SLIT2: variants seen among roughly 807,000 people sequenced by gnomAD.
SLIT2 encodes slit homolog 2 protein.
Under a neutral mutation model 185.7 loss-of-function variants are expected in SLIT2, and 41 were observed. That is an observed-to-expected ratio of 0.22 (90% confidence interval 0.17 to 0.29). The LOEUF (loss-of-function observed/expected upper bound fraction) is 0.29, where lower values mean the gene tolerates loss of function less well. Among genes scored for constraint, SLIT2 ranks in the 10% least tolerant of loss-of-function variants. The pLI is 1.00. For missense variants in SLIT2, 1,571 were observed against 1,909.0 expected, an observed-to-expected ratio of 0.82 and a Z score of 3.30; for synonymous variants, 693 against 680.2, an observed-to-expected ratio of 1.02 and a Z score of -0.29.
chr4:20,381,583 T>C, intron 4 of SLIT2, among the ~76,000 whole-genome samples: 1 of 152,182 alleles, frequency 6.6e-6, no homozygotes, highest in Admixed American at 6.6e-5. Flanking sequence ...ACCTTTCTCT[T>C]GTTAGAAATC....
At chr4:20,327,338 A>G (rs980088455) in intron 4 of SLIT2, among the ~76,000 whole-genome samples, 1 of 152,072 alleles carries the variant, frequency 6.6e-6, no homozygotes, top group African/African-American at 2.4e-5. Flanking sequence ...GTTCAGTTAT[A>G]AAATCAAACC....
At chr4:20,549,253 A>G (rs1008507908) in intron 24 of SLIT2, 125 bp downstream of exon 24, 1 of 575,524 alleles carries the variant, frequency 1.7e-6, no homozygotes, top group Non-Finnish European at 3.1e-6. Flanking sequence ...AGGATTTATT[A>G]TAAATTAGGA....
intron 6 of SLIT2, 96 bp from the exon 7 acceptor site, chr4:20,486,104 A>G: frequency 1.3e-6 from 1 of 742,808 alleles, no homozygotes; most frequent in Non-Finnish European, 2.4e-6. Context: ...GCTGTCCTGC[A>G]TAAGCATAGT....
At chr4:20,398,819 C>CATTTGTGATATATTTTA (rs1726130210) in intron 4 of SLIT2, among the ~76,000 whole-genome samples, 1 of 151,620 alleles carries the variant, frequency 6.6e-6, no homozygotes, top group Non-Finnish European at 1.5e-5. Flanking sequence ...ATTTTGTTAA[C>CATTTGTGATATATTTTA]ATTTGTGATA....
intron 4 of SLIT2, among the ~76,000 whole-genome samples, chr4:20,412,125 C>T (rs1727303227): frequency 6.6e-6 from 1 of 151,888 alleles, no homozygotes. Flanking sequence ...TGCAGGGATG[C>T]ACACACACTT....
At chr4:20,398,362 AC>A (rs1726084274) in intron 4 of SLIT2, among the ~76,000 whole-genome samples, 1 of 151,828 alleles carries the variant, frequency 6.6e-6, no homozygotes, top group Non-Finnish European at 1.5e-5. Flanking sequence ...CAGAGCATTA[AC>A]ATCACAGACT....
Position 20,290,542 on chromosome 4 carries a change from G to A in SLIT2, c.395+21661G>A, listed in dbSNP as rs184035451. Among the ~76,000 whole-genome samples, 304 of 152,158 alleles carry A rather than the reference G, an allele frequency of 2.0e-3. 1 individual carries two copies. The highest frequency in any genetic ancestry group is 0.015 in the Admixed American group (228 of 15,280). The stretch of plus-strand genomic sequence containing the variant: ...GAATCCCTATTAGCCTAGAGCACGG[G>A]GTCCTGGAACCAGTGTCCCATGGAT... On this transcript the variant is annotated intron_variant, in intron 4 of 36. Coordinates refer to ENST00000504154, the MANE Select transcript of SLIT2 (RefSeq NM_004787.4).
At chr4:20,550,358 C>G (rs567092332) in intron 24 of SLIT2, among the ~76,000 whole-genome samples, 1 of 146,122 alleles carries the variant, frequency 6.8e-6, no homozygotes, top group Non-Finnish European at 1.5e-5. Context: ...CTACTTTACT[C>G]TATGCTTGCA....
intron 29 of SLIT2, among the ~76,000 whole-genome samples, chr4:20,577,252 A>G (rs527284337): frequency 6.6e-6 from 1 of 152,322 alleles, no homozygotes; most frequent in Admixed American, 6.5e-5. Context: ...CTCCTTCTGA[A>G]TATGGACACC....
intron 9 of SLIT2, among the ~76,000 whole-genome samples, chr4:20,496,268 CT>C (rs33933107): frequency 0.75 from 113,974 of 151,504 alleles, 43,154 homozygotes; most frequent in East Asian, 0.95. Flanking sequence ...TATTTGGTAA[CT>C]TCAATTATTT....
Position 20,262,886 on chromosome 4 carries a change from A to G in SLIT2, c.323+4947A>G, listed in dbSNP as rs140365234. 3.3e-5 allele frequency among the ~76,000 whole-genome samples: 5 copies of G among 151,976 alleles called. No homozygotes were observed. In the East Asian group the frequency reaches 9.7e-4, roughly 29 times the overall value. On this transcript the variant is annotated intron_variant, in intron 3 of 36. Coordinates refer to ENST00000504154, the MANE Select transcript of SLIT2 (RefSeq NM_004787.4). ...ATGCAACAGTTTTTATGGGCCTTGA[A>G]GTTTAATGGTGGTGAGAAGGCCCGT...
At chr4:20,331,307 A>C (rs567034500) in intron 4 of SLIT2, among the ~76,000 whole-genome samples, 1 of 152,214 alleles carries the variant, frequency 6.6e-6, no homozygotes, top group African/African-American at 2.4e-5. Flanking sequence ...TTTCCAATAC[A>C]TTTTCCAATT....
At chr4:20,593,203 G>A (rs1278704281) in intron 30 of SLIT2, among the ~76,000 whole-genome samples, 1 of 152,040 alleles carries the variant, frequency 6.6e-6, no homozygotes, top group Admixed American at 6.6e-5. Context: ...TATAGAACGT[G>A]CATTATATAT....
chr4:20,533,507 C>G, intron 17 of SLIT2, 65 bp from the exon 18 acceptor site: 6 of 1,257,842 alleles, frequency 4.8e-6, no homozygotes, highest in Non-Finnish European at 6.8e-6. Context: ...AAATTATCAA[C>G]TATGTTTCAA....
chr4:20,543,349 A>G (rs912356665), intron 21 of SLIT2, among the ~76,000 whole-genome samples: 2 of 152,164 alleles, frequency 1.3e-5, no homozygotes, highest in African/African-American at 4.8e-5. Context: ...CTCATGCTAC[A>G]GTTGCAGAAT....
chr4:20,543,817 C>T (rs1487782239), intron 21 of SLIT2, among the ~76,000 whole-genome samples: 1 of 152,210 alleles, frequency 6.6e-6, no homozygotes, highest in African/African-American at 2.4e-5. Flanking sequence ...TAGGTCCTCT[C>T]TCACTACCAA....
chr4:20,601,748 T>C (rs1447565777), intron 33 of SLIT2, among the ~76,000 whole-genome samples: 1 of 152,262 alleles, frequency 6.6e-6, no homozygotes, highest in Non-Finnish European at 1.5e-5. Flanking sequence ...AATAACAGTG[T>C]TGCAATCAGC....
At chr4:20,606,194 C>T (rs376889740) in intron 33 of SLIT2, among the ~76,000 whole-genome samples, 19 of 152,212 alleles carry the variant, frequency 1.2e-4, no homozygotes, top group African/African-American at 4.6e-4. Context: ...GTGTAAAATA[C>T]TATCTTAAAA....
rs149580894 is a variant in SLIT2, at chr4:20,490,678, G to T, written c.776-1083G>T. The T allele has an allele frequency of 9.0e-6, 6 of 667,492 alleles. No homozygotes were observed. In the East Asian group the frequency reaches 1.7e-4, roughly 19 times the overall value. The allele number at this position is 667,492 out of a possible 1,614,324, so 41.3% of individuals were successfully genotyped here. A position where few individuals can be genotyped will look rare whatever the true frequency, so the allele number is the denominator to read the frequency against. The stretch of plus-strand genomic sequence containing the variant: ...GTTTTATAACCTAAGAAAAATTTTT[G>T]TATAATATCATGGAATGTTCTCAAT... On this transcript the variant is annotated intron_variant, in intron 8 of 36. Transcript: ENST00000504154.
Sources: allele counts gnomAD v4.1 joint callset (sites outside exome capture counted in the v4.1 genomes callset), GRCh38; gene constraint gnomAD v4.1.1; transcripts MANE v1.5; gene names NCBI Gene and HGNC (gene_info 2026-07-23, HGNC 2026-07-21).